Variants in CHRNA5 observed in about 807,000 individuals in gnomAD.
CHRNA5 encodes cholinergic receptor nicotinic alpha 5 subunit.
CHRNA5 carries 28 observed loss-of-function variants against 41.2 expected under a neutral mutation model. That is an observed-to-expected ratio of 0.68 (90% CI 0.50 to 0.93). The LOEUF (loss-of-function observed/expected upper bound fraction) is 0.93. Ranked by LOEUF, CHRNA5 falls within the 40% of genes least tolerant of loss-of-function variation. CHRNA5 has a pLI of 0.00. For synonymous variants in CHRNA5, 188 were observed against 205.8 expected (o/e 0.91, Z 0.74); for missense variants, 481 against 581.9 (o/e 0.83, Z 1.78).
intron 1 of CHRNA5, among the ~76,000 whole-genome samples, chr15:78,570,142 C>T (rs1369642128): frequency 6.6e-6 from 1 of 151,974 alleles, no homozygotes; most frequent in Non-Finnish European, 1.5e-5. Flanking sequence ...TTTATAATGA[C>T]AATATGATAG....
At chr15:78,570,785 C>T (rs1167335564) in intron 1 of CHRNA5, among the ~76,000 whole-genome samples, 1 of 151,972 alleles carries the variant, frequency 6.6e-6, no homozygotes, top group African/African-American at 2.4e-5. Context: ...AAAACTCTTT[C>T]CTCTAGGTCA....
intron 1 of CHRNA5, among the ~76,000 whole-genome samples, chr15:78,573,296 C>T (rs2052823565): frequency 6.6e-6 from 1 of 152,220 alleles, no homozygotes; most frequent in South Asian, 2.1e-4. Context: ...GACTCCAGAG[C>T]TGCAGTGCTG....
exon 6 of CHRNA5, chr15:78,593,172 A>C (rs199559512): frequency 3.1e-6 from 5 of 1,613,666 alleles, no homozygotes; most frequent in Non-Finnish European, 4.2e-6. Context: ...CAATTGTTGG[A>C]TCTCTTGGGC....
At chr15:78,587,883 A>AG (rs2052975816) in intron 3 of CHRNA5, among the ~76,000 whole-genome samples, 1 of 152,146 alleles carries the variant, frequency 6.6e-6, no homozygotes, top group Non-Finnish European at 1.5e-5. Context: ...AACTGCATGG[A>AG]GGTAGGGTAA....
At chr15:78,585,296 C>T (rs751368035) in intron 2 of CHRNA5, among the ~76,000 whole-genome samples, 1 of 152,156 alleles carries the variant, frequency 6.6e-6, no homozygotes, top group Non-Finnish European at 1.5e-5. Context: ...TCCCAGTACT[C>T]ATTCTCCCCA....
At chr15:78,566,980 C>T (rs1221965674) in intron 1 of CHRNA5, among the ~76,000 whole-genome samples, 1 of 151,946 alleles carries the variant, frequency 6.6e-6, no homozygotes, top group Non-Finnish European at 1.5e-5. Context: ...GGGCCGGGCG[C>T]GGTGGCTCAC....
intron 1 of CHRNA5, among the ~76,000 whole-genome samples, chr15:78,569,225 C>T (rs994849973): frequency 1.3e-5 from 2 of 151,900 alleles, no homozygotes; most frequent in African/African-American, 4.8e-5. Context: ...GAACTCTGAG[C>T]TTTTTTTCAA....
exon 6 of CHRNA5, chr15:78,594,530 T>TA (rs2053067894): frequency 6.6e-6 from 1 of 152,026 alleles, no homozygotes; most frequent in Non-Finnish European, 1.5e-5. Context: ...TACAAAAAAT[T>TA]AGTCGGGCAT....
chr15:78,576,273 A>G (rs1418667705), intron 1 of CHRNA5, among the ~76,000 whole-genome samples: 3 of 151,980 alleles, frequency 2.0e-5, no homozygotes. Flanking sequence ...CAGCCTCCCT[A>G]GTAGCTGGGA....
At chr15:78,575,878 G>A (rs985024629) in intron 1 of CHRNA5, among the ~76,000 whole-genome samples, 8 of 152,162 alleles carry the variant, frequency 5.3e-5, no homozygotes, top group Non-Finnish European at 7.4e-5. Flanking sequence ...ATTGATTTGT[G>A]TTTTCCTGAT....
At chr15:78,594,922 A>T (rs112690995) in exon 6 of CHRNA5, 15 of 152,190 alleles carry the variant, frequency 9.9e-5, no homozygotes, top group African/African-American at 3.4e-4. Context: ...TAAAACAGTT[A>T]AATTCCATCT....
intron 1 of CHRNA5, among the ~76,000 whole-genome samples, chr15:78,568,952 TCTC>T (rs10567995): frequency 0.036 from 5,430 of 152,304 alleles, 327 homozygotes; most frequent in African/African-American, 0.12. Flanking sequence ...ATTTTTTTCT[TCTC>T]ATCTTTAGTC....
chr15:78,583,396 T>A (rs1459794397), intron 2 of CHRNA5, among the ~76,000 whole-genome samples: 1 of 152,140 alleles, frequency 6.6e-6, no homozygotes, highest in African/African-American at 2.4e-5. Flanking sequence ...GAGTAACACA[T>A]TTGAAAAATA....
chr15:78,593,291 C>A, exon 6 of CHRNA5: 1 of 1,529,874 alleles, frequency 6.5e-7, no homozygotes, highest in Non-Finnish European at 8.8e-7. Context: ...TTAGTTAACA[C>A]ACATATATCT....
chr15:78,566,271 C>T (rs1038455916), intron 1 of CHRNA5, among the ~76,000 whole-genome samples: 2 of 152,160 alleles, frequency 1.3e-5, no homozygotes, highest in Non-Finnish European at 2.9e-5. Flanking sequence ...TCCCTGTCCC[C>T]TACCCACCGC....
chr15:78,592,579 G>T (rs1016755219), intron 5 of CHRNA5, among the ~76,000 whole-genome samples: 2 of 152,138 alleles, frequency 1.3e-5, no homozygotes. Context: ...AGGGAAGACT[G>T]TTCTGTGCTC....
intron 1 of CHRNA5, among the ~76,000 whole-genome samples, chr15:78,568,230 C>G (rs929237441): frequency 5.3e-5 from 8 of 152,070 alleles, no homozygotes; most frequent in Admixed American, 3.9e-4. Context: ...TGAACGGTCA[C>G]AGAGCTGTGG....
At chr15:78,581,180 G>A (rs1450108130) in intron 2 of CHRNA5, among the ~76,000 whole-genome samples, 1 of 152,226 alleles carries the variant, frequency 6.6e-6, no homozygotes, top group African/African-American at 2.4e-5. Context: ...TCTCAATTTG[G>A]TAATTATAAG....
In CHRNA5 at chr15:78,588,754, A is replaced by C. The variant is rs1367682820; in HGVS notation, c.413+331A>C. Among the ~76,000 whole-genome samples the C allele has an allele frequency of 1.3e-5, 2 of 152,186 alleles. No individual in the cohort carries two copies. Among genetic ancestry groups the C allele is most frequent in the East Asian group, 3.8e-4 (2 of 5,206 alleles). On this transcript the variant is annotated intron_variant, in intron 4 of 5. Transcript: ENST00000299565. The surrounding 1 kb of genome is among the most constrained non-coding windows in gnomAD (Gnocchi z 4.1). ...GTATGTTTTTTACGTCGTTGAGGTCATATTTTATGTTGAATTGTGCATCCT... is the reference window on the plus strand; with the variant it reads ...GTATGTTTTTTACGTCGTTGAGGTCCTATTTTATGTTGAATTGTGCATCCT...
Sources: gnomAD v4.1 joint callset for allele counts (sites outside exome capture counted in the v4.1 genomes callset) on GRCh38, gnomAD v4.1.1 for gene constraint, Gnocchi (gnomAD v3.1) non-coding constraint, MANE v1.5 for transcripts, NCBI Gene and HGNC (gene_info 2026-07-23, HGNC 2026-07-21) for gene names.